The following RASGEF1C variants were observed in gnomAD, a reference collection of about 807,000 sequenced individuals.
RASGEF1C encodes the protein RasGEF domain family member 1C.
RASGEF1C carries 27 observed loss-of-function variants against 58.1 expected under a neutral mutation model. That is an observed-to-expected ratio of 0.46 (90% CI 0.34 to 0.64). The LOEUF (loss-of-function observed/expected upper bound fraction) is 0.64. Among genes scored for constraint, RASGEF1C ranks in the 30% least tolerant of loss-of-function variants. The probability of loss-of-function intolerance (pLI) is 0.01; values close to 1 mark genes in which losing one functional copy is unlikely to be tolerated. For missense variants in RASGEF1C, 502 were observed against 605.1 expected (o/e 0.83, Z 1.79); for synonymous variants, 243 against 246.3 (o/e 0.99, Z 0.13).
At chr5:180,180,109 C>T (rs1767299894) in intron 1 of RASGEF1C, among the ~76,000 whole-genome samples, 5 of 152,210 alleles carry the variant, frequency 3.3e-5, no homozygotes, top group Admixed American at 2.0e-4. Context: ...GCACATCCAC[C>T]AGCAGCTCTG....
intron 4 of RASGEF1C, among the ~76,000 whole-genome samples, chr5:180,130,868 T>C (rs1170030012): frequency 6.6e-6 from 1 of 152,110 alleles, no homozygotes; most frequent in Non-Finnish European, 1.5e-5. Context: ...GGTCCTCTGT[T>C]TGCCCAGCAC....
chr5:180,201,736 T>C (rs1756398671), intron 1 of RASGEF1C, among the ~76,000 whole-genome samples: 1 of 152,194 alleles, frequency 6.6e-6, no homozygotes, highest in Non-Finnish European at 1.5e-5. Context: ...GGCGGGGGCC[T>C]TTGTGACGAG....
intron 1 of RASGEF1C, among the ~76,000 whole-genome samples, chr5:180,171,588 C>T (rs974989728): frequency 2.6e-5 from 4 of 152,136 alleles, no homozygotes; most frequent in Non-Finnish European, 5.9e-5. Flanking sequence ...TCTGTCCCCA[C>T]GCAGGTCAGC....
chr5:180,192,974 G>C (rs1289673503), intron 1 of RASGEF1C, among the ~76,000 whole-genome samples: 2 of 152,012 alleles, frequency 1.3e-5, no homozygotes, highest in East Asian at 3.9e-4. Context: ...TTGAACTCCT[G>C]ATCTCAAGTG....
chr5:180,185,704 A>G (rs2113328517), intron 1 of RASGEF1C, among the ~76,000 whole-genome samples: 1 of 152,342 alleles, frequency 6.6e-6, no homozygotes, highest in East Asian at 1.9e-4. Flanking sequence ...TGCAAAAATT[A>G]TTCGAATGAT....
intron 12 of RASGEF1C, among the ~76,000 whole-genome samples, chr5:180,104,038 G>A (rs78871387): frequency 0.014 from 2,114 of 152,188 alleles, 25 homozygotes; most frequent in Admixed American, 0.028. Context: ...TAGTCATGAC[G>A]TATAATTATT....
At chr5:180,148,769 C>G (rs1463069238) in intron 1 of RASGEF1C, among the ~76,000 whole-genome samples, 7 of 152,088 alleles carry the variant, frequency 4.6e-5, no homozygotes, top group African/African-American at 1.7e-4. Context: ...ATCATAATAC[C>G]AGCTTTTATA....
chr5:180,140,704 G>A (rs994134062), intron 1 of RASGEF1C, among the ~76,000 whole-genome samples: 1 of 152,172 alleles, frequency 6.6e-6, no homozygotes, highest in African/African-American at 2.4e-5. Context: ...TCCTCCATCC[G>A]CCAGGGACAG....
At chr5:180,103,042 C>T (rs1360825951) in intron 12 of RASGEF1C, among the ~76,000 whole-genome samples, 3 of 152,174 alleles carry the variant, frequency 2.0e-5, no homozygotes, top group Non-Finnish European at 4.4e-5. Flanking sequence ...CATCCTATGT[C>T]TCCATTTATC....
Position 180,143,328 on chromosome 5 carries a change from A to T in RASGEF1C, c.-6-5270T>A, listed in dbSNP as rs142619399. 2.8e-4 allele frequency among the ~76,000 whole-genome samples: 42 copies of T among 152,202 alleles called. No homozygotes were observed. The highest frequency in any genetic ancestry group is 1.4e-3 in the East Asian group (7 of 5,164). On this transcript the variant is annotated intron_variant, in intron 1 of 13. Transcript: ENST00000361132. The surrounding 1 kb of genome is among the most constrained non-coding windows in gnomAD (Gnocchi z 4.3). ...TCTGGGACAGCATGGCCCCAGCCCA[A>T]CCCCTCTATGGGAGACGGGAAATGT... is the stretch of plus-strand genomic sequence containing the variant.
At position 180,114,550 on chromosome 5, in the gene RASGEF1C, AAG is replaced by A. The variant is rs755036869; in HGVS notation, c.1084-11_1084-10del. On this transcript the variant is annotated splice_polypyrimidine_tract_variant and intron_variant, in intron 10 of 13. Transcript: ENST00000361132. ...AAGAAAGGAATGACAATCTGGAAGA[AAG>A]AGGGGGCAGGTCGGCCCCAGCCGGC... 17 of 1,606,654 alleles carry A rather than the reference AAG, an allele frequency of 1.1e-5. No homozygotes were observed. The highest frequency in any genetic ancestry group is 1.4e-5 in the Non-Finnish European group (17 of 1,175,422).
chr5:180,125,143 A>C (rs62405056), intron 6 of RASGEF1C, among the ~76,000 whole-genome samples: 35,479 of 152,116 alleles, frequency 0.23, 4,696 homozygotes, highest in Admixed American at 0.29. Context: ...AAAAATACCA[A>C]CAACAACAAC....
chr5:180,148,661 C>T (rs1475937502), intron 1 of RASGEF1C, among the ~76,000 whole-genome samples: 1 of 152,138 alleles, frequency 6.6e-6, no homozygotes, highest in Non-Finnish European at 1.5e-5. Flanking sequence ...CACAAAATTA[C>T]ATTTTTATTA....
intron 1 of RASGEF1C, among the ~76,000 whole-genome samples, chr5:180,201,721 T>G (rs1370800146): frequency 6.6e-6 from 1 of 152,176 alleles, no homozygotes; most frequent in African/African-American, 2.4e-5. Context: ...GTGATGGCAT[T>G]TGGGGGCGGG....
At chr5:180,169,771 A>AC (rs1311142749) in intron 1 of RASGEF1C, among the ~76,000 whole-genome samples, 1 of 146,586 alleles carries the variant, frequency 6.8e-6, no homozygotes, top group Non-Finnish European at 1.5e-5. Flanking sequence ...CCCCATGCGC[A>AC]CCCCCCAGCA....
chr5:180,190,184 G>T (rs1176725146), intron 1 of RASGEF1C, among the ~76,000 whole-genome samples: 1 of 151,676 alleles, frequency 6.6e-6, no homozygotes, highest in East Asian at 2.0e-4. Context: ...GTGAGAATCT[G>T]TCTCTACAAA....
intron 1 of RASGEF1C, among the ~76,000 whole-genome samples, chr5:180,160,915 G>A (rs1766933673): frequency 6.6e-6 from 1 of 152,202 alleles, no homozygotes; most frequent in Admixed American, 6.5e-5. Context: ...ATAACACAAT[G>A]TGGCAATATT....
intron 6 of RASGEF1C, among the ~76,000 whole-genome samples, chr5:180,124,761 T>C (rs1766228317): frequency 6.6e-6 from 1 of 151,572 alleles, no homozygotes; most frequent in African/African-American, 2.4e-5. Flanking sequence ...GAGGCGGACG[T>C]TGTAGTGAGC....
intron 1 of RASGEF1C, among the ~76,000 whole-genome samples, chr5:180,159,687 A>G (rs1404032668): frequency 2.0e-5 from 3 of 152,128 alleles, no homozygotes; most frequent in African/African-American, 4.8e-5. Context: ...CTGATCCTGA[A>G]GTTGGGAGCA....
Sources: allele counts gnomAD v4.1 joint callset (sites outside exome capture counted in the v4.1 genomes callset), GRCh38; gene constraint gnomAD v4.1.1; non-coding constraint Gnocchi (gnomAD v3.1); transcripts MANE v1.5; gene names NCBI Gene and HGNC (gene_info 2026-07-23, HGNC 2026-07-21).